The following DGCR2 variants were observed in gnomAD, a reference collection of about 807,000 sequenced individuals.
DGCR2 encodes the protein integral membrane protein DGCR2/IDD.
A neutral mutation model predicts 51.6 loss-of-function variants in DGCR2; 24 were observed. That is an observed-to-expected ratio of 0.47 (90% confidence interval 0.34 to 0.65). The LOEUF is 0.65. Ranked by LOEUF, DGCR2 falls within the 30% of genes least tolerant of loss-of-function variation. The pLI is 0.01. For missense variants in DGCR2, 765 were observed against 772.1 expected (o/e 0.99, Z 0.11); for synonymous variants, 340 against 315.4 (o/e 1.08, Z -0.82).
rs546275325 is a variant in DGCR2 at position 19,104,267 on chromosome 22, T to C, written c.80-14777A>G. ...CTTGGAGAGCTACTGCTTTGGGCTA[T>C]GCAACGCCCAGGAATTAGTGGATTC... On this transcript the variant is annotated intron_variant, in intron 1 of 9. Coordinates refer to ENST00000263196, the MANE Select transcript of DGCR2 (RefSeq NM_005137.3). Among the ~76,000 whole-genome samples the C allele has an allele frequency of 1.4e-4, 21 of 152,290 alleles. No homozygotes were observed. In the South Asian group the frequency reaches 2.1e-3, roughly 15 times the overall value.
chr22:19,036,392 T>C lies in DGCR2; in HGVS notation c.*2473A>G, dbSNP rs976795895. On this transcript the variant is annotated 3_prime_UTR_variant, in exon 10 of 10. Transcript: ENST00000263196. ...AAACTAAAAACCCTTAATGAAAACATAAAAAAACAGGCATCAAGACAATGT... is the reference window on the plus strand; with the variant it reads ...AAACTAAAAACCCTTAATGAAAACACAAAAAAACAGGCATCAAGACAATGT... 3.9e-5 allele frequency: 6 copies of C among 152,312 alleles called. No individual in the cohort carries two copies. Among genetic ancestry groups the C allele is most frequent in the Non-Finnish European group, 5.9e-5 (4 of 67,990 alleles). 9.4% of individuals were successfully genotyped at this position (152,312 alleles called of 1,614,324 possible).
At chr22:19,114,267 T>C (rs1244259974) in intron 1 of DGCR2, among the ~76,000 whole-genome samples, 1 of 152,206 alleles carries the variant, frequency 6.6e-6, no homozygotes, top group Non-Finnish European at 1.5e-5. Flanking sequence ...ATATTCTATG[T>C]ATGAATGTTA....
chr22:19,069,112 G>A (rs2082784190), intron 2 of DGCR2, among the ~76,000 whole-genome samples: 1 of 152,226 alleles, frequency 6.6e-6, no homozygotes, highest in Non-Finnish European at 1.5e-5. Flanking sequence ...GAAGGGCATC[G>A]GGTACAAGGT....
Position 19,075,445 on chromosome 22 carries a change from T to C in DGCR2, c.203-7220A>G, listed in dbSNP as rs1270276340. ...CTGGGCCACAGAGCAAGACTCTGTC[T>C]CAAAAAAAAAAAAAGAGTGTACAGT... On this transcript the variant is annotated intron_variant, in intron 2 of 9. Transcript: ENST00000263196. Among the ~76,000 whole-genome samples, 4 of 138,602 alleles carry C rather than the reference T, an allele frequency of 2.9e-5. No homozygotes were observed. The East Asian group carries it at 8.6e-4, about 30-fold the overall frequency. The allele number at this position is 138,602 out of a possible 152,430, so 90.9% of individuals were successfully genotyped here.
chr22:19,100,155 A>C (rs1884068679), intron 1 of DGCR2, among the ~76,000 whole-genome samples: 1 of 151,944 alleles, frequency 6.6e-6, no homozygotes, highest in African/African-American at 2.4e-5. Context: ...CTGTAATCCC[A>C]GCTACTCGGA....
At chr22:19,104,525 A>G (rs1025157008) in intron 1 of DGCR2, among the ~76,000 whole-genome samples, 17 of 152,254 alleles carry the variant, frequency 1.1e-4, no homozygotes, top group Non-Finnish European at 2.2e-4. Flanking sequence ...ACATGTCCAC[A>G]GTTACATCAC....
At chr22:19,109,814 C>T (rs5993531) in intron 1 of DGCR2, among the ~76,000 whole-genome samples, 3,016 of 152,224 alleles carry the variant, frequency 0.02, 109 homozygotes, top group African/African-American at 0.069. Flanking sequence ...GCAGTGGAGC[C>T]GCCTAACCCT....
At chr22:19,118,368 C>A (rs542107319) in intron 1 of DGCR2, among the ~76,000 whole-genome samples, 1 of 120,960 alleles carries the variant, frequency 8.3e-6, no homozygotes, top group African/African-American at 3.2e-5. Flanking sequence ...GAAACTCCAT[C>A]GCAAACAAAA....
At chr22:19,082,840 G>A (rs2082956084) in intron 2 of DGCR2, among the ~76,000 whole-genome samples, 1 of 152,042 alleles carries the variant, frequency 6.6e-6, no homozygotes, top group Non-Finnish European at 1.5e-5. Context: ...CGTAATCCAG[G>A]CACTCTGGGA....
chr22:19,089,226 A>G, intron 2 of DGCR2, 142 bp downstream of exon 2: 1 of 949,672 alleles, frequency 1.1e-6, no homozygotes, highest in Non-Finnish European at 1.5e-6. Flanking sequence ...ACAGAAAGAC[A>G]GAGAGAGAGG....
At chr22:19,085,899 C>G (rs1314225129) in intron 2 of DGCR2, among the ~76,000 whole-genome samples, 1 of 152,176 alleles carries the variant, frequency 6.6e-6, no homozygotes, top group Non-Finnish European at 1.5e-5. Context: ...AGGAAGGTCA[C>G]AGCTTTTGAG....
At chr22:19,041,762 G>A (rs763692522) in intron 8 of DGCR2, 45 bp downstream of exon 8, 1 of 1,591,024 alleles carries the variant, frequency 6.3e-7, no homozygotes, top group South Asian at 1.1e-5. Context: ...GGGTGACCTG[G>A]GGTGGGGATG....
chr22:19,070,146 C>T (rs2082797842), intron 2 of DGCR2, among the ~76,000 whole-genome samples: 1 of 152,164 alleles, frequency 6.6e-6, no homozygotes, highest in African/African-American at 2.4e-5. Context: ...CAGCACCCGA[C>T]ACTCTGGGTA....
intron 7 of DGCR2, chr22:19,047,287 A>T (rs899380769): frequency 1.3e-5 from 2 of 152,310 alleles, no homozygotes; most frequent in African/African-American, 4.8e-5. Context: ...TCTGGAGGAC[A>T]GCTTTGTCCT....
chr22:19,078,890 A>G (rs920404309), intron 2 of DGCR2, among the ~76,000 whole-genome samples: 2 of 152,198 alleles, frequency 1.3e-5, no homozygotes, highest in African/African-American at 4.8e-5. Flanking sequence ...TTCACTTGAG[A>G]AGGACTGATG....
In DGCR2 at chr22:19,057,289, G is replaced by C; in HGVS notation, c.626-127C>G. The C allele has an allele frequency of 9.3e-7, 1 of 1,080,754 alleles. No homozygotes were observed. Among genetic ancestry groups the C allele is most frequent in the South Asian group, 1.7e-5 (1 of 58,658 alleles). 66.9% of individuals were successfully genotyped at this position (1,080,754 alleles called of 1,614,324 possible). A position where few individuals can be genotyped will look rare whatever the true frequency, so the allele number is the denominator to read the frequency against. ...GGGCCTGGACCGCCAAGTACTGGTG[G>C]TCACTGTGGCCAGGTGTTCACTCGG... On this transcript the variant is annotated intron_variant, in intron 5 of 9. Transcript: ENST00000263196. This position sits in a 1 kb window ranked among gnomAD's most constrained non-coding sequence, Gnocchi z 5.1.
chr22:19,080,169 C>T (rs552354742), intron 2 of DGCR2, among the ~76,000 whole-genome samples: 1 of 152,292 alleles, frequency 6.6e-6, no homozygotes, highest in African/African-American at 2.4e-5. Context: ...GAGCATCCTA[C>T]TTATTACCTA....
At chr22:19,061,748 T>C (rs1259962813) in intron 5 of DGCR2, 1 of 152,242 alleles carries the variant, frequency 6.6e-6, no homozygotes, top group Non-Finnish European at 1.5e-5. Flanking sequence ...TCCATTTAAC[T>C]GGGCACAAGC....
chr22:19,104,670 G>A (rs184505877), intron 1 of DGCR2, among the ~76,000 whole-genome samples: 9 of 152,168 alleles, frequency 5.9e-5, no homozygotes, highest in East Asian at 3.8e-4. Flanking sequence ...TCCCACACCC[G>A]GGGTAGGGGA....
Sources: gnomAD v4.1 joint callset for allele counts (sites outside exome capture counted in the v4.1 genomes callset) on GRCh38, gnomAD v4.1.1 for gene constraint, Gnocchi (gnomAD v3.1) non-coding constraint, MANE v1.5 for transcripts, NCBI Gene and HGNC (gene_info 2026-07-23, HGNC 2026-07-21) for gene names.